Variants in IKBKB observed in about 807,000 individuals in gnomAD.
IKBKB encodes inhibitor of nuclear factor kappa-B kinase subunit beta.
Under a neutral mutation model 113.6 loss-of-function variants are expected in IKBKB, and 42 were observed. That is an observed-to-expected ratio of 0.37 (90% CI 0.29 to 0.48). The LOEUF (loss-of-function observed/expected upper bound fraction) is 0.48. IKBKB is among the 20% of genes least tolerant of loss of function. The probability of loss-of-function intolerance (pLI) is 0.99; values close to 1 mark genes in which losing one functional copy is unlikely to be tolerated. For missense variants in IKBKB, 673 were observed against 939.7 expected, an observed-to-expected ratio of 0.72 and a Z score of 3.71; for synonymous variants, 296 against 361.3, an observed-to-expected ratio of 0.82 and a Z score of 2.05.
At chr8:42,271,989 T>TC (rs1215319344) in intron 1 of IKBKB, 94 bp from the exon 2 acceptor site, 3 of 1,252,372 alleles carry the variant, frequency 2.4e-6, no homozygotes, top group Non-Finnish European at 3.3e-6. Context: ...TCTCTCCCAT[T>TC]CAAGAGCAGT....
At chr8:42,317,617 T>C in intron 11 of IKBKB, 40 bp from the exon 12 acceptor site, 1 of 1,307,518 alleles carries the variant, frequency 7.6e-7, no homozygotes, top group Non-Finnish European at 1.1e-6. Flanking sequence ...AAAGAGAGGG[T>C]TGGATCCACA....
intron 15 of IKBKB, 88 bp from the exon 16 acceptor site, chr8:42,320,647 C>A: frequency 1.9e-6 from 2 of 1,029,110 alleles, no homozygotes; most frequent in Non-Finnish European, 3.0e-6. Flanking sequence ...GGGAATGTGG[C>A]GGGTCCCCTG....
intron 2 of IKBKB, among the ~76,000 whole-genome samples, chr8:42,281,332 G>A (rs999869336): frequency 6.6e-6 from 1 of 152,198 alleles, no homozygotes; most frequent in Non-Finnish European, 1.5e-5. Context: ...CCCTGTGGTC[G>A]GATGCTGTGT....
At chr8:42,317,340 A>G (rs780706589) in intron 11 of IKBKB, 5 of 440,448 alleles carry the variant, frequency 1.1e-5, no homozygotes, top group Admixed American at 3.6e-5. Flanking sequence ...TCTGCTCAAA[A>G]AGACCTTCTC....
At chr8:42,321,845 A>T (rs965832786) in intron 16 of IKBKB, 51 bp from the exon 17 acceptor site, 5 of 1,366,424 alleles carry the variant, frequency 3.7e-6, no homozygotes, top group Non-Finnish European at 5.1e-6. Flanking sequence ...AAATGTAAAA[A>T]TTAGCCATAT....
intron 15 of IKBKB, chr8:42,320,237 T>A (rs939781713): frequency 1.3e-5 from 2 of 158,986 alleles, no homozygotes; most frequent in African/African-American, 4.8e-5. Flanking sequence ...TTTTTATGAA[T>A]CAGTACTGAT....
In IKBKB at chr8:42,319,606, C is replaced by T. The variant is rs1819386725; in HGVS notation, c.1538C>T (p.Ala513Val). Reference protein sequence around the residue: ...FGITSDKLLLAWREMEQAVEL... With the variant: ...FGITSDKLLLVWREMEQAVEL... Reference sequence around the variant, plus strand: ...TCAGCATCAGATAAACTGCTGCTGGCCTGGAGGGAAATGGAGCAGGCTGTG... The same window carrying T: ...TCAGCATCAGATAAACTGCTGCTGGTCTGGAGGGAAATGGAGCAGGCTGTG... Residue 513 changes from alanine to valine, a missense_variant, in exon 15 of 22, where the codon GCC becomes GTC. Ala to Val is a moderately conservative substitution (Grantham distance 64). This residue lies in a region of IKBKB where 506 missense variants were observed against 638.7 expected (regional missense o/e 0.79). Transcript: ENST00000520810. 1 of 1,594,362 alleles carries T rather than the reference C, an allele frequency of 6.3e-7. No homozygotes were observed. The highest frequency in any genetic ancestry group is 8.5e-7 in the Non-Finnish European group (1 of 1,173,812).
At chr8:42,292,990 G>C (rs1002339881) in intron 4 of IKBKB, among the ~76,000 whole-genome samples, 7 of 152,178 alleles carry the variant, frequency 4.6e-5, no homozygotes, top group African/African-American at 1.7e-4. Flanking sequence ...CGTAGTAAGT[G>C]CTCAGTAACT....
intron 5 of IKBKB, among the ~76,000 whole-genome samples, chr8:42,296,504 T>A (rs1273124636): frequency 6.6e-6 from 1 of 151,952 alleles, no homozygotes; most frequent in South Asian, 2.1e-4. Flanking sequence ...AAAACTAAAT[T>A]AGCCAGGTGT....
intron 13 of IKBKB, chr8:42,318,929 G>A (rs959226815): frequency 1.3e-5 from 7 of 528,810 alleles, no homozygotes; most frequent in Non-Finnish European, 2.3e-5. Flanking sequence ...GCTGTGGCTG[G>A]TTTGGGAACC....
chr8:42,303,060 GGAGAGAGAGA>G (rs34921450), intron 5 of IKBKB, among the ~76,000 whole-genome samples: 49 of 114,246 alleles, frequency 4.3e-4, no homozygotes, highest in African/African-American at 1.4e-3. Flanking sequence ...TTGCCGAGAG[GGAGAGAGAGA>G]GAGAGAGAGA....
intron 8 of IKBKB, among the ~76,000 whole-genome samples, chr8:42,312,915 G>A (rs1817991639): frequency 6.6e-6 from 1 of 152,222 alleles, no homozygotes; most frequent in Non-Finnish European, 1.5e-5. Context: ...AGACAGAATA[G>A]AAAGAACACC....
rs2294100 is a variant in IKBKB, at chr8:42,317,785, A to T, written c.1240+14A>T. ...TCAGCTGTATCCGTAAGAATTTGTT[A>T]TGTTTTGTTTTTCTAAATAATCCGT... On this transcript the variant is annotated intron_variant, in intron 12 of 21. Transcript: ENST00000520810. 1,393,385 of 1,568,716 alleles carry T rather than the reference A, an allele frequency of 0.89. 630,529 individuals carry two copies. The highest frequency in any genetic ancestry group is 0.93 in the Non-Finnish European group (1,060,612 of 1,139,018).
intron 8 of IKBKB, 119 bp downstream of exon 8, chr8:42,309,144 C>G (rs181236182): frequency 9.3e-6 from 11 of 1,177,538 alleles, no homozygotes; most frequent in Admixed American, 4.4e-5. Context: ...GTTTCTCTTC[C>G]GAGAGGAAGG....
chr8:42,301,637 A>G (rs1815225514), intron 5 of IKBKB, among the ~76,000 whole-genome samples: 1 of 152,246 alleles, frequency 6.6e-6, no homozygotes, highest in African/African-American at 2.4e-5. Flanking sequence ...TGAAGAATAG[A>G]TGACCACCCC....
chr8:42,288,579 G>C, intron 2 of IKBKB, 55 bp from the exon 3 acceptor site: 1 of 1,385,854 alleles, frequency 7.2e-7, no homozygotes, highest in Non-Finnish European at 1.0e-6. Context: ...CAGCAGACAG[G>C]GTGGGATTTG....
chr8:42,306,917 T>G (rs1288027951), intron 7 of IKBKB, among the ~76,000 whole-genome samples: 1 of 152,212 alleles, frequency 6.6e-6, no homozygotes, highest in Non-Finnish European at 1.5e-5. Context: ...GGTTTCTGTT[T>G]GAGTCACTCA....
intron 5 of IKBKB, 142 bp from the exon 6 acceptor site, chr8:42,305,045 C>T (rs1396885339): frequency 1.6e-6 from 1 of 633,026 alleles, no homozygotes; most frequent in East Asian, 2.7e-5. Flanking sequence ...GTAGCAGGGC[C>T]CCTGCCCTCC....
Position 42,314,350 on chromosome 8 carries a change from GT to G in IKBKB, c.722del (p.Val241GlyfsTer9). 6.2e-7 allele frequency: 1 copy of G among 1,614,038 alleles called. No homozygotes were observed. The highest frequency in any genetic ancestry group is 8.5e-7 in the Non-Finnish European group (1 of 1,179,856). ...TTCAAAAGTGCGGCAGAAGAGTGAG[GT>G]GGACATTGTTGTTAGCGAAGACTTG... Reference protein sequence around the residue: ...WHSKVRQKSEVDIVVSEDLNG... With the variant: ...WHSKVRQKSEXDIVVSEDLNG... On this transcript the variant is annotated frameshift_variant, in exon 9 of 22. Coordinates refer to ENST00000520810, the MANE Select transcript of IKBKB (RefSeq NM_001556.3). LOFTEE classifies it high-confidence loss of function.
Sources: allele counts gnomAD v4.1 joint callset (sites outside exome capture counted in the v4.1 genomes callset), GRCh38; gene constraint gnomAD v4.1.1; regional missense constraint gnomAD v4.1.1; transcripts MANE v1.5; gene names NCBI Gene and HGNC (gene_info 2026-07-23, HGNC 2026-07-21).